Variants in ALK observed in about 807,000 individuals in gnomAD.
ALK encodes ALK tyrosine kinase receptor.
A neutral mutation model predicts 163.1 loss-of-function variants in ALK; 74 were observed. The observed-to-expected ratio is 0.45, with a 90% CI of 0.38 to 0.55. The LOEUF is 0.55. ALK is among the 20% of genes least tolerant of loss of function. The pLI is 0.00. For missense variants in ALK, 2,063 were observed against 2,105.3 expected (o/e 0.98, Z 0.39); for synonymous variants, 960 against 843.2 (o/e 1.14, Z -2.40).
At chr2:29,364,418 C>T (rs780554247) in intron 5 of ALK, among the ~76,000 whole-genome samples, 29 of 152,216 alleles carry the variant, frequency 1.9e-4, no homozygotes, top group Non-Finnish European at 3.1e-4. Context: ...CTTCATGTCA[C>T]TGCTTAGAAA....
intron 4 of ALK, among the ~76,000 whole-genome samples, chr2:29,460,106 G>A (rs569031751): frequency 1.3e-5 from 2 of 152,268 alleles, no homozygotes; most frequent in East Asian, 3.9e-4. Flanking sequence ...CTACCTTGCA[G>A]TAGGAGTGGA....
At chr2:29,861,065 A>T (rs188623276) in intron 1 of ALK, among the ~76,000 whole-genome samples, 2 of 152,232 alleles carry the variant, frequency 1.3e-5, no homozygotes, top group African/African-American at 4.8e-5. Context: ...CCAGCTACTC[A>T]GGGGGCTGCG....
At position 29,220,803 on chromosome 2, in the gene ALK, A is replaced by G. The variant is rs1002995598; in HGVS notation, c.3548T>C (p.Ile1183Thr). 8.7e-6 allele frequency: 14 copies of G among 1,613,944 alleles called. No homozygotes were observed. Among genetic ancestry groups the G allele is most frequent in the Admixed American group, 1.7e-5 (1 of 60,000 alleles). ...KFNHQNIVRC[I>T]GVSLQSLPRF... Reference sequence around the variant, plus strand: ...GGGCAGGGATTGCAGGCTCACCCCAATGCAGCGAACAATGTTCTGGTGGTT... The same window carrying G: ...GGGCAGGGATTGCAGGCTCACCCCAGTGCAGCGAACAATGTTCTGGTGGTT... The change falls in exon 23 of 29, where the codon ATT becomes ACT. Residue 1183 changes from isoleucine (I) to threonine (T), a missense_variant. Physicochemically the swap from Ile to Thr is moderately conservative, Grantham distance 89. Around this residue, in one of 5 missense-constraint regions of ALK, gnomAD observed 575 missense variants for 626.6 expected, o/e 0.92. Transcript: ENST00000389048.
intron 1 of ALK, among the ~76,000 whole-genome samples, chr2:29,821,599 G>A (rs1665049519): frequency 6.6e-6 from 1 of 152,128 alleles, no homozygotes; most frequent in Non-Finnish European, 1.5e-5. Flanking sequence ...GCCATCCCCA[G>A]CCCTGGCCAC....
At chr2:29,374,123 A>G (rs1558699415) in intron 5 of ALK, among the ~76,000 whole-genome samples, 2 of 152,224 alleles carry the variant, frequency 1.3e-5, no homozygotes, top group Non-Finnish European at 1.5e-5. Flanking sequence ...GTGCAGAATT[A>G]TTCAGCTCTG....
intron 6 of ALK, 58 bp from the exon 7 acceptor site, chr2:29,320,940 C>T: frequency 1.2e-6 from 2 of 1,611,118 alleles, no homozygotes; most frequent in Non-Finnish European, 1.7e-6. Context: ...CAAAATATGC[C>T]AATGCCAAGT....
At chr2:29,694,766 T>G (rs1238156933) in intron 3 of ALK, 84 bp downstream of exon 3, 3 of 1,537,870 alleles carry the variant, frequency 2.0e-6, no homozygotes, top group Non-Finnish European at 2.7e-6. Context: ...AGAACAGGAG[T>G]GAAGTCTCAT....
rs1183439984 is a variant in ALK, at chr2:29,246,210, G to A, written c.2204+4895C>T. ...TCCTAGACAGGTAGGAAGGCAGGCA[G>A]GCTGGAGGGGGAGAGAGGGAAGAAG... On this transcript the variant is annotated intron_variant, in intron 12 of 28. Coordinates refer to ENST00000389048, the MANE Select transcript of ALK (RefSeq NM_004304.5). The surrounding 1 kb of genome is among the most constrained non-coding windows in gnomAD (Gnocchi z 4.3). 6.6e-6 allele frequency among the ~76,000 whole-genome samples: 1 copy of A among 151,936 alleles called. No individual in the cohort carries two copies. Among genetic ancestry groups the A allele is most frequent in the African/African-American group, 2.4e-5 (1 of 41,310 alleles).
intron 13 of ALK, 87 bp from the exon 14 acceptor site, chr2:29,233,783 G>C: frequency 6.4e-7 from 1 of 1,566,530 alleles, no homozygotes; most frequent in Admixed American, 1.7e-5. Context: ...TTAAAAACAG[G>C]ATCTGACTCT....
chr2:29,814,369 G>C (rs1664837936), intron 1 of ALK, among the ~76,000 whole-genome samples: 1 of 151,762 alleles, frequency 6.6e-6, no homozygotes, highest in Non-Finnish European at 1.5e-5. Flanking sequence ...TAAGAGTCAG[G>C]CATGACCAAG....
chr2:29,789,650 C>T (rs1664136671), intron 1 of ALK, among the ~76,000 whole-genome samples: 1 of 152,118 alleles, frequency 6.6e-6, no homozygotes, highest in Non-Finnish European at 1.5e-5. Flanking sequence ...CATGGGCAGA[C>T]CCCTAGACTG....
At chr2:29,461,610 G>A (rs1202498000) in intron 4 of ALK, among the ~76,000 whole-genome samples, 3 of 152,108 alleles carry the variant, frequency 2.0e-5, no homozygotes, top group East Asian at 1.9e-4. Flanking sequence ...AATATTTTAA[G>A]TCCACTGTTC....
intron 4 of ALK, among the ~76,000 whole-genome samples, chr2:29,507,554 A>G (rs901770129): frequency 2.0e-5 from 3 of 152,222 alleles, no homozygotes; most frequent in Admixed American, 2.0e-4. Context: ...ACCACTGTTA[A>G]ATAATTAAAA....
At chr2:29,213,177 A>T (rs1023876314) in intron 24 of ALK, among the ~76,000 whole-genome samples, 1 of 152,182 alleles carries the variant, frequency 6.6e-6, no homozygotes, top group Non-Finnish European at 1.5e-5. Context: ...GAGCCTGATG[A>T]TCTGTTTTAC....
intron 5 of ALK, among the ~76,000 whole-genome samples, chr2:29,369,308 T>TTGTGTGTG (rs3054016): frequency 0.03 from 4,400 of 145,338 alleles, 80 homozygotes; most frequent in Non-Finnish European, 0.035. Flanking sequence ...ACGTGCATAT[T>TTGTGTGTG]TGTGTGTGTG....
chr2:29,625,298 A>G (rs1676160063), intron 3 of ALK, among the ~76,000 whole-genome samples: 1 of 152,216 alleles, frequency 6.6e-6, no homozygotes, highest in Non-Finnish European at 1.5e-5. Context: ...CTTCCAAATT[A>G]ATTCTGTTTG....
chr2:29,908,495 T>A (rs2148435922), intron 1 of ALK, among the ~76,000 whole-genome samples: 1 of 152,332 alleles, frequency 6.6e-6, no homozygotes, highest in South Asian at 2.1e-4. Context: ...TCAAATTACC[T>A]CCTTCTGGAA....
At position 29,620,331 on chromosome 2, in the gene ALK, T is replaced by C. The variant is rs369449985; in HGVS notation, c.952+74519A>G. Among the ~76,000 whole-genome samples, 9 of 152,308 alleles carry C rather than the reference T, an allele frequency of 5.9e-5. No individual in the cohort carries two copies. In the South Asian group the frequency reaches 1.7e-3, roughly 28 times the overall value. On this transcript the variant is annotated intron_variant, in intron 3 of 28. Coordinates refer to ENST00000389048, the MANE Select transcript of ALK (RefSeq NM_004304.5). ...CCTCACGTTCACACGGTGTTCTTTC[T>C]GTGTGTGCCTGTGTCCAAATTTCCA...
At chr2:29,493,335 C>T (rs1025416916) in intron 4 of ALK, among the ~76,000 whole-genome samples, 4 of 152,144 alleles carry the variant, frequency 2.6e-5, no homozygotes, top group East Asian at 1.9e-4. Context: ...GTCCTAATTT[C>T]GCCTCATCCC....
Sources: allele counts gnomAD v4.1 joint callset (sites outside exome capture counted in the v4.1 genomes callset), GRCh38; gene constraint gnomAD v4.1.1; regional missense constraint gnomAD v4.1.1; non-coding constraint Gnocchi (gnomAD v3.1); transcripts MANE v1.5; gene names NCBI Gene and HGNC (gene_info 2026-07-23, HGNC 2026-07-21).